Variants in CNTN3 observed in about 807,000 individuals in gnomAD.
The protein encoded by CNTN3 is contactin-3.
CNTN3 carries 60 observed loss-of-function variants against 119.1 expected under a neutral mutation model. That is an observed-to-expected ratio of 0.50 (90% confidence interval 0.41 to 0.62). CNTN3 has a LOEUF of 0.62. Ranked by LOEUF, CNTN3 falls within the 20% of genes least tolerant of loss-of-function variation. CNTN3 has a pLI of 0.00. For synonymous variants in CNTN3, 450 were observed against 438.7 expected, an observed-to-expected ratio of 1.03 and a Z score of -0.32; for missense variants, 1,101 against 1,242.4, an observed-to-expected ratio of 0.89 and a Z score of 1.71.
At chr3:74,543,177 G>A (rs912127181) in intron 1 of CNTN3, among the ~76,000 whole-genome samples, 5 of 151,978 alleles carry the variant, frequency 3.3e-5, no homozygotes, top group African/African-American at 1.2e-4. Context: ...GATTCAACAG[G>A]CAGAAAGTAC....
intron 4 of CNTN3, among the ~76,000 whole-genome samples, chr3:74,451,590 G>A (rs987305532): frequency 9.6e-4 from 146 of 152,142 alleles, no homozygotes; most frequent in South Asian, 2.3e-3. Context: ...GTCCTTGCCC[G>A]TGCCTATGTC....
At position 74,298,160 on chromosome 3, in the gene CNTN3, C is replaced by T. The variant is rs770064051; in HGVS notation, c.2198G>A (p.Gly733Asp). The change falls in exon 18 of 23, where the codon GGT (glycine) becomes GAT (aspartate). Residue 733 changes from glycine (G) to aspartate (D), a missense_variant. Transcript: ENST00000263665. ...PVPEELQNGEGFGYVVAFRPL... is the reference protein window; with the variant it reads ...PVPEELQNGEDFGYVVAFRPL... ...GCGGAAAGCAACAACATACCCAAAA[C>T]CTTCACCATTCTGTAGTTCTTCAGG... The T allele has an allele frequency of 4.4e-6, 7 of 1,604,646 alleles. No individual in the cohort carries two copies. Among genetic ancestry groups the T allele is most frequent in the Non-Finnish European group, 6.0e-6 (7 of 1,174,340 alleles).
At chr3:74,543,889 C>T (rs1018117635) in intron 1 of CNTN3, among the ~76,000 whole-genome samples, 1 of 152,160 alleles carries the variant, frequency 6.6e-6, no homozygotes, top group Non-Finnish European at 1.5e-5. Context: ...CTAATCAAGT[C>T]TTCATATTCA....
At chr3:74,315,338 T>C (rs539971004) in intron 13 of CNTN3, among the ~76,000 whole-genome samples, 53 of 152,158 alleles carry the variant, frequency 3.5e-4, no homozygotes, top group African/African-American at 1.2e-3. Context: ...GCCTATGGAG[T>C]AGCCATTCTT....
chr3:74,491,293 T>C (rs965538745), intron 3 of CNTN3, among the ~76,000 whole-genome samples: 1 of 151,710 alleles, frequency 6.6e-6, no homozygotes, highest in Non-Finnish European at 1.5e-5. Flanking sequence ...TTGGAGCCAG[T>C]AGTTTGAGAC....
At chr3:74,334,483 A>G (rs1313212791) in intron 13 of CNTN3, among the ~76,000 whole-genome samples, 1 of 152,232 alleles carries the variant, frequency 6.6e-6, no homozygotes, top group Non-Finnish European at 1.5e-5. Context: ...AAACAAAGTA[A>G]TGAAAAGTAA....
rs117562454 is a variant in CNTN3, at chr3:74,540,076, C to G, written c.-80-18884G>C. Among the ~76,000 whole-genome samples, 16 of 152,238 alleles carry G rather than the reference C, an allele frequency of 1.1e-4. No homozygotes were observed. The East Asian group carries it at 1.6e-3, about 15-fold the overall frequency. ...CTGGGAAAGTGCACAGTTAGCAAAA[C>G]ACGTCCCTTCTTGAGGGCTGGCAGC... On this transcript the variant is annotated intron_variant, in intron 1 of 22. Transcript: ENST00000263665.
chr3:74,317,334 T>C (rs1371537958), intron 13 of CNTN3, among the ~76,000 whole-genome samples: 1 of 150,268 alleles, frequency 6.7e-6, no homozygotes, highest in Non-Finnish European at 1.5e-5. Flanking sequence ...TTAGCCCATT[T>C]ACATTTAAAG....
intron 1 of CNTN3, among the ~76,000 whole-genome samples, chr3:74,563,370 GAATT>G (rs1704181475): frequency 6.6e-6 from 1 of 152,086 alleles, no homozygotes; most frequent in Admixed American, 6.6e-5. Context: ...TGTTTATTAT[GAATT>G]AATAATGGCA....
chr3:74,480,920 G>T (rs1445034122), intron 4 of CNTN3, among the ~76,000 whole-genome samples: 2 of 151,794 alleles, frequency 1.3e-5, no homozygotes, highest in Non-Finnish European at 2.9e-5. Flanking sequence ...ATAACATCCA[G>T]TGCTTTTCAG....
At chr3:74,304,420 T>A (rs573369839) in intron 13 of CNTN3, among the ~76,000 whole-genome samples, 1 of 152,216 alleles carries the variant, frequency 6.6e-6, no homozygotes, top group Non-Finnish European at 1.5e-5. Context: ...AGGAGGTTGA[T>A]TATCACTTCT....
chr3:74,476,634 T>C (rs1464275337), intron 4 of CNTN3, among the ~76,000 whole-genome samples: 1 of 152,072 alleles, frequency 6.6e-6, no homozygotes, highest in East Asian at 1.9e-4. Flanking sequence ...TATGAATGAA[T>C]ACCTAAATAC....
chr3:74,555,263 C>T (rs899634148), intron 1 of CNTN3, among the ~76,000 whole-genome samples: 2 of 152,104 alleles, frequency 1.3e-5, no homozygotes, highest in African/African-American at 4.8e-5. Context: ...GGTAGGAAGT[C>T]GACTTGATCG....
rs143632204 is a variant in CNTN3, at chr3:74,511,764, C to T, written c.55+9294G>A. 2.3e-3 allele frequency among the ~76,000 whole-genome samples: 349 copies of T among 152,252 alleles called. 3 individuals are homozygous for T. Among genetic ancestry groups the T allele is most frequent in the African/African-American group, 7.7e-3 (318 of 41,550 alleles). On this transcript the variant is annotated intron_variant, in intron 2 of 22. Coordinates refer to ENST00000263665, the MANE Select transcript of CNTN3 (RefSeq NM_020872.3). Reference sequence around the variant, plus strand: ...AAAATGTTATTGGAACACAGCCACACTGACTTGTTTATATATTGTCTATAG... The same window carrying T: ...AAAATGTTATTGGAACACAGCCACATTGACTTGTTTATATATTGTCTATAG...
intron 13 of CNTN3, among the ~76,000 whole-genome samples, chr3:74,316,707 C>T (rs1021183538): frequency 6.6e-6 from 1 of 151,926 alleles, no homozygotes; most frequent in South Asian, 2.1e-4. Context: ...GGGCAGATCA[C>T]GAGGTCAGGA....
At chr3:74,401,168 G>A (rs1705181377) in intron 5 of CNTN3, among the ~76,000 whole-genome samples, 2 of 143,588 alleles carry the variant, frequency 1.4e-5, no homozygotes. Context: ...TAATGAAAAT[G>A]TCCCCAAAAA....
rs533562836 is a variant in CNTN3, at chr3:74,352,275, T to C, written c.1364+9615A>G. On this transcript the variant is annotated intron_variant, in intron 11 of 22. Transcript: ENST00000263665. The stretch of plus-strand genomic sequence containing the variant: ...ATTTTACATCCCTTCCTTTGAGATT[T>C]CTGCCCTCATGGAGCTGCTCTCCTG... 2.6e-5 allele frequency among the ~76,000 whole-genome samples: 4 copies of C among 152,356 alleles called. No homozygotes were observed. In the South Asian group the frequency reaches 8.3e-4, roughly 32 times the overall value.
At chr3:74,458,806 A>G (rs111399094) in intron 4 of CNTN3, among the ~76,000 whole-genome samples, 122 of 152,166 alleles carry the variant, frequency 8.0e-4, no homozygotes, top group African/African-American at 2.8e-3. Flanking sequence ...TCTATACACT[A>G]AATGGTGTGA....
chr3:74,604,803 T>C (rs549205526), intron 1 of CNTN3, among the ~76,000 whole-genome samples: 23 of 152,140 alleles, frequency 1.5e-4, no homozygotes, highest in Non-Finnish European at 3.2e-4. Flanking sequence ...ATACTGGGCA[T>C]ATAGTCAAAG....
Sources: allele counts gnomAD v4.1 joint callset (sites outside exome capture counted in the v4.1 genomes callset), GRCh38; gene constraint gnomAD v4.1.1; transcripts MANE v1.5; gene names NCBI Gene and HGNC (gene_info 2026-07-23, HGNC 2026-07-21).